BARD1: variants seen among roughly 807,000 people sequenced by gnomAD.
The protein encoded by BARD1 is BRCA1-associated RING domain protein 1.
In BARD1, 73 loss-of-function variants were observed where a neutral mutation model predicts 77.0. That is an observed-to-expected ratio of 0.95 (90% confidence interval 0.79 to 1.15). The LOEUF (loss-of-function observed/expected upper bound fraction) is 1.15, where lower values mean the gene tolerates loss of function less well. BARD1 is among the 50% of genes most tolerant of loss of function. The pLI, the probability that BARD1 is intolerant of heterozygous loss-of-function variation, is 0.00. For missense variants in BARD1, 993 were observed against 938.8 expected, an observed-to-expected ratio of 1.06 and a Z score of -0.75; for synonymous variants, 384 against 338.0, an observed-to-expected ratio of 1.14 and a Z score of -1.49.
intron 9 of BARD1, among the ~76,000 whole-genome samples, chr2:214,732,541 G>A (rs950424328): frequency 3.9e-5 from 6 of 151,914 alleles, no homozygotes; most frequent in Admixed American, 2.0e-4. Context: ...GACTACAGGC[G>A]CCCGCCACCA....
intron 9 of BARD1, chr2:214,730,850 A>G: frequency 2.2e-6 from 1 of 462,110 alleles, no homozygotes; most frequent in East Asian, 6.6e-5. Flanking sequence ...CATAGCAATT[A>G]CCCAAAATTA....
chr2:214,798,150 T>C (rs1158874840), intron 1 of BARD1, among the ~76,000 whole-genome samples: 2 of 152,160 alleles, frequency 1.3e-5, no homozygotes, highest in African/African-American at 4.8e-5. Flanking sequence ...AGATTGAAAG[T>C]ATCACACTGC....
At chr2:214,729,081 GA>G in intron 10 of BARD1, 73 bp from the exon 11 acceptor site, 1 of 1,419,564 alleles carries the variant, frequency 7.0e-7, no homozygotes, top group South Asian at 1.2e-5. Flanking sequence ...TATGAATGAG[GA>G]AAATAAAAAT....
intron 4 of BARD1, among the ~76,000 whole-genome samples, chr2:214,775,090 C>A (rs1270974715): frequency 6.6e-6 from 1 of 152,136 alleles, no homozygotes; most frequent in Non-Finnish European, 1.5e-5. Context: ...GGCGGTTATG[C>A]TTTCTTCTCA....
At chr2:214,742,634 C>T (rs1340469414) in intron 9 of BARD1, among the ~76,000 whole-genome samples, 3 of 152,046 alleles carry the variant, frequency 2.0e-5, no homozygotes, top group Non-Finnish European at 4.4e-5. Context: ...TAAGTTAGTC[C>T]GAGTCCATCA....
chr2:214,772,272 G>A (rs959640003), intron 4 of BARD1, among the ~76,000 whole-genome samples: 10 of 152,040 alleles, frequency 6.6e-5, no homozygotes, highest in African/African-American at 1.7e-4. Context: ...TATTCATAAC[G>A]GTTACAAATG....
rs1316339721 is a variant in BARD1 at position 214,781,356 on chromosome 2, G to A, written c.518C>T (p.Ala173Val). Residue 173 changes from alanine to valine, a missense_variant, in exon 4 of 11, where the codon GCA (alanine) becomes GTA (valine). Physicochemically the swap from Ala to Val is moderately conservative, Grantham distance 64. Coordinates refer to ENST00000260947, the MANE Select transcript of BARD1 (RefSeq NM_000465.4). The stretch of plus-strand genomic sequence containing the variant: ...TTCATATGAGTCTTGCTGAGCACTT[G>A]CATCTTTTTTTATTGCAGGCTGGGT... ...VQTQPAIKKD[A>V]SAQQDSYEFV... 6.2e-7 allele frequency: 1 copy of A among 1,613,672 alleles called. No homozygotes were observed. The highest frequency in any genetic ancestry group is 8.5e-7 in the Non-Finnish European group (1 of 1,179,914).
chr2:214,772,730 A>C (rs1694563262), intron 4 of BARD1, among the ~76,000 whole-genome samples: 1 of 152,142 alleles, frequency 6.6e-6, no homozygotes, highest in Admixed American at 6.6e-5. Context: ...TAGTACTTGA[A>C]AGTTTTGTCA....
chr2:214,739,547 C>T (rs1225886454), intron 9 of BARD1, among the ~76,000 whole-genome samples: 1 of 151,078 alleles, frequency 6.6e-6, no homozygotes, highest in East Asian at 1.9e-4. Flanking sequence ...AGGCAGCCTA[C>T]AACAATGACA....
intron 9 of BARD1, among the ~76,000 whole-genome samples, chr2:214,742,950 A>C (rs766868120): frequency 6.6e-6 from 1 of 152,232 alleles, no homozygotes; most frequent in Non-Finnish European, 1.5e-5. Flanking sequence ...ATTTTAAATG[A>C]ATTTTTTAAA....
At position 214,725,789 on chromosome 2, in the gene BARD1, G is replaced by C. The variant is rs975930407; in HGVS notation, c.*2887C>G. On this transcript the variant is annotated 3_prime_UTR_variant, in exon 11 of 11. Transcript: ENST00000260947. The stretch of plus-strand genomic sequence containing the variant: ...GGCTTTTAGTAATTAAATAAGACAA[G>C]CATTAGTTCCTACCATTTTAATGTG... The C allele has an allele frequency of 4.5e-6, 1 of 220,828 alleles. No homozygotes were observed. Among genetic ancestry groups the C allele is most frequent in the African/African-American group, 2.2e-5 (1 of 44,696 alleles). 13.7% of individuals were successfully genotyped at this position (220,828 alleles called of 1,614,324 possible). A position where few individuals can be genotyped will look rare whatever the true frequency, so the allele number is the denominator to read the frequency against.
chr2:214,806,049 T>A (rs1264766926), intron 1 of BARD1, among the ~76,000 whole-genome samples: 2 of 152,200 alleles, frequency 1.3e-5, no homozygotes, highest in Non-Finnish European at 2.9e-5. Flanking sequence ...GTCTCATTTT[T>A]CCAAATCCTT....
At chr2:214,789,368 T>A (rs1007109388) in intron 3 of BARD1, among the ~76,000 whole-genome samples, 11 of 149,930 alleles carry the variant, frequency 7.3e-5, no homozygotes, top group South Asian at 2.1e-4. Flanking sequence ...TATCACCCTA[T>A]CTCTTCTAAA....
chr2:214,800,530 CACA>C (rs1210320201), intron 1 of BARD1, among the ~76,000 whole-genome samples: 2 of 152,110 alleles, frequency 1.3e-5, no homozygotes, highest in Admixed American at 1.3e-4. Flanking sequence ...GCCTGGACAA[CACA>C]ACAAGAACAT....
In BARD1 at chr2:214,769,616, C is replaced by G. The variant is rs571243460; in HGVS notation, c.1315-304G>C. Among the ~76,000 whole-genome samples, 71 of 152,216 alleles carry G rather than the reference C, an allele frequency of 4.7e-4. 2 individuals carry two copies. In the South Asian group the frequency reaches 0.014, roughly 29 times the overall value. On this transcript the variant is annotated intron_variant, in intron 4 of 10. Coordinates refer to ENST00000260947, the MANE Select transcript of BARD1 (RefSeq NM_000465.4). ...ACTAGTCGGGCATGGTGGTGCCAGC[C>G]TGTAATCCCAGCTACTTGGGAGGCT...
chr2:214,773,215 A>C (rs890239116), intron 4 of BARD1, among the ~76,000 whole-genome samples: 2 of 152,352 alleles, frequency 1.3e-5, no homozygotes, highest in South Asian at 4.1e-4. Flanking sequence ...TCCTTATTAT[A>C]AATGTTAGCT....
chr2:214,726,846 T>A lies in BARD1; in HGVS notation c.*1830A>T. ...AAAAACAACAAAAAGAAGGGAGGGG[T>A]GATAAACCAAGAAAATGAATGACAA... On this transcript the variant is annotated 3_prime_UTR_variant, in exon 11 of 11. Coordinates refer to ENST00000260947, the MANE Select transcript of BARD1 (RefSeq NM_000465.4). 2 of 226,922 alleles carry A rather than the reference T, an allele frequency of 8.8e-6. No homozygotes were observed. The highest frequency in any genetic ancestry group is 2.2e-5 in the African/African-American group (1 of 45,070). 14.1% of individuals were successfully genotyped at this position (226,922 alleles called of 1,614,324 possible). A position where few individuals can be genotyped will look rare whatever the true frequency, so the allele number is the denominator to read the frequency against.
At chr2:214,774,626 G>A (rs1694659337) in intron 4 of BARD1, among the ~76,000 whole-genome samples, 1 of 152,160 alleles carries the variant, frequency 6.6e-6, no homozygotes, top group Non-Finnish European at 1.5e-5. Context: ...AATGAGCATT[G>A]GCTTCCACTT....
Position 214,728,609 on chromosome 2 carries a change from A to G in BARD1, c.*67T>C. On this transcript the variant is annotated 3_prime_UTR_variant, in exon 11 of 11. Coordinates refer to ENST00000260947, the MANE Select transcript of BARD1 (RefSeq NM_000465.4). ...ATTTGTAAAAATGTGAACATTAAAA[A>G]CAGTACAATGACTGGGCTCTCACAA... 6.8e-7 allele frequency: 1 copy of G among 1,477,392 alleles called. No homozygotes were observed. Among genetic ancestry groups the G allele is most frequent in the Non-Finnish European group, 9.4e-7 (1 of 1,066,898 alleles). 91.5% of individuals were successfully genotyped at this position (1,477,392 alleles called of 1,614,324 possible).
Sources: gnomAD v4.1 joint callset for allele counts (sites outside exome capture counted in the v4.1 genomes callset) on GRCh38, gnomAD v4.1.1 for gene constraint, MANE v1.5 for transcripts, NCBI Gene and HGNC (gene_info 2026-07-23, HGNC 2026-07-21) for gene names.